The following SLC71A1 variants were observed in gnomAD, a reference collection of about 807,000 sequenced individuals.
The protein encoded by SLC71A1 is solute carrier family 71 member 1, also known as hippocampus abundant gene transcript 1.
At chr1:100,058,615 A>T in the SLC71A1 span, 7 of 958,490 alleles carry the variant, frequency 7.3e-6, no homozygotes, top group East Asian at 1.4e-4. Context: ...TAGAAATTTT[A>T]TTAAGACTGA....
the SLC71A1 span, among the ~76,000 whole-genome samples, chr1:100,062,323 T>C: frequency 6.6e-6 from 1 of 152,168 alleles, no homozygotes; most frequent in Non-Finnish European, 1.5e-5. Flanking sequence ...AGCTCAGGGA[T>C]CAGCAAACCT....
the SLC71A1 span, among the ~76,000 whole-genome samples, chr1:100,071,638 G>A: frequency 6.6e-6 from 1 of 152,190 alleles, no homozygotes; most frequent in Non-Finnish European, 1.5e-5. Flanking sequence ...TAGATGAAGA[G>A]AGCAGACTAA....
the SLC71A1 span, among the ~76,000 whole-genome samples, chr1:100,048,470 A>G: frequency 6.6e-6 from 1 of 152,126 alleles, no homozygotes; most frequent in Non-Finnish European, 1.5e-5. Flanking sequence ...ATGAGCCACC[A>G]TGCCTGGCCT....
At chr1:100,047,917 A>G in the SLC71A1 span, among the ~76,000 whole-genome samples, 2 of 152,216 alleles carry the variant, frequency 1.3e-5, no homozygotes, top group Non-Finnish European at 2.9e-5. Flanking sequence ...ATTAGAAAAG[A>G]TATGGAAAAT....
chr1:100,080,716 A>G, the SLC71A1 span: 8 of 1,472,650 alleles, frequency 5.4e-6, no homozygotes, highest in Non-Finnish European at 7.4e-6. Flanking sequence ...ATTAAAGGCT[A>G]CTGGTTTTTG....
chr1:100,076,971 C>G, the SLC71A1 span, among the ~76,000 whole-genome samples: 2 of 152,134 alleles, frequency 1.3e-5, no homozygotes, highest in Non-Finnish European at 2.9e-5. Flanking sequence ...AACTCTCAGT[C>G]TGGATCTATG....
At chr1:100,082,032 A>G in the SLC71A1 span, 5 of 1,613,170 alleles carry the variant, frequency 3.1e-6, no homozygotes, top group Non-Finnish European at 2.5e-6. Flanking sequence ...CTCCCTTCCT[A>G]TTTGGAGCCT....
chr1:100,063,061 A>T, the SLC71A1 span, among the ~76,000 whole-genome samples: 11 of 152,298 alleles, frequency 7.2e-5, no homozygotes, highest in Non-Finnish European at 1.2e-4. Context: ...CATAAAATTT[A>T]TCCTTTTTAT....
At chr1:100,066,755 C>T in the SLC71A1 span, among the ~76,000 whole-genome samples, 1,105 of 151,958 alleles carry the variant, frequency 7.3e-3, 11 homozygotes, top group African/African-American at 0.026. Flanking sequence ...TTTGGGAGGC[C>T]GAGGCGGGCG....
At chr1:100,065,704 CTAAG>C in the SLC71A1 span, among the ~76,000 whole-genome samples, 6,374 of 107,268 alleles carry the variant, frequency 0.059, 161 homozygotes, top group African/African-American at 0.11. Context: ...AGCCTTTTCC[CTAAG>C]CCTTTTCCCT....
chr1:100,062,914 TAA>T, the SLC71A1 span, among the ~76,000 whole-genome samples: 10 of 116,150 alleles, frequency 8.6e-5, no homozygotes, highest in Admixed American at 9.4e-5. Flanking sequence ...TGTCTCTATT[TAA>T]AAAAAAAAAA....
the SLC71A1 span, among the ~76,000 whole-genome samples, chr1:100,062,914 TA>T: frequency 3.1e-3 from 364 of 116,152 alleles, 3 homozygotes; most frequent in African/African-American, 0.01. Flanking sequence ...TGTCTCTATT[TA>T]AAAAAAAAAA....
At chr1:100,055,420 T>C in the SLC71A1 span, among the ~76,000 whole-genome samples, 11 of 151,784 alleles carry the variant, frequency 7.2e-5, no homozygotes, top group Non-Finnish European at 1.3e-4. Context: ...TTCACAAGTA[T>C]GTTGAATTGA....
the SLC71A1 span, chr1:100,080,779 A>ACTCTGGTTTTT: frequency 1.1e-6 from 1 of 888,984 alleles, no homozygotes. Context: ...AAATGCTTAA[A>ACTCTGGTTTTT]AACCAGAGTT....
the SLC71A1 span, chr1:100,061,820 A>G: frequency 6.7e-7 from 1 of 1,483,064 alleles, no homozygotes; most frequent in Admixed American, 1.7e-5. Flanking sequence ...ATTTCTTGTT[A>G]TCTTTCATTC....
chr1:100,071,135 C>T, the SLC71A1 span, among the ~76,000 whole-genome samples: 1 of 151,738 alleles, frequency 6.6e-6, no homozygotes. Context: ...TATACTGTAG[C>T]CTTTATATAA....
chr1:100,059,815 G>A, the SLC71A1 span: 1 of 1,420,042 alleles, frequency 7.0e-7, no homozygotes, highest in Middle Eastern at 1.9e-4. Flanking sequence ...GGAGTAAAAT[G>A]ATTTATTTTT....
the SLC71A1 span, among the ~76,000 whole-genome samples, chr1:100,060,299 C>A: frequency 6.6e-6 from 1 of 152,062 alleles, no homozygotes; most frequent in Non-Finnish European, 1.5e-5. Context: ...GATAGGATTG[C>A]TAACTTTTTT....
chr1:100,077,876 C>T, the SLC71A1 span, among the ~76,000 whole-genome samples: 2 of 152,150 alleles, frequency 1.3e-5, no homozygotes, highest in African/African-American at 4.8e-5. Context: ...AACTGACTGC[C>T]TCGTCTCTGT....
Sources: gnomAD v4.1 joint callset for allele counts (sites outside exome capture counted in the v4.1 genomes callset) on GRCh38, gnomAD v4.1.1 for gene constraint, MANE v1.5 for transcripts, NCBI Gene and HGNC (gene_info 2026-07-23, HGNC 2026-07-21) for gene names.